The following WWTR1 variants were observed in gnomAD, a reference collection of about 807,000 sequenced individuals.
The protein encoded by WWTR1 is WW domain-containing transcription regulator protein 1.
WWTR1 carries 13 observed loss-of-function variants against 40.1 expected under a neutral mutation model. That is an observed-to-expected ratio of 0.32 (90% CI 0.21 to 0.52). The LOEUF is 0.52. Ranked by LOEUF, WWTR1 falls within the 20% of genes least tolerant of loss-of-function variation. The pLI, the probability that WWTR1 is intolerant of heterozygous loss-of-function variation, is 0.97. For synonymous variants in WWTR1, 230 were observed against 210.1 expected (o/e 1.09, Z -0.82); for missense variants, 436 against 523.1 (o/e 0.83, Z 1.63).
chr3:149,548,501 T>C (rs1736472175), intron 3 of WWTR1, among the ~76,000 whole-genome samples: 1 of 152,148 alleles, frequency 6.6e-6, no homozygotes, highest in Non-Finnish European at 1.5e-5. Context: ...CATACACATA[T>C]ACAATGCCAA....
intron 1 of WWTR1, among the ~76,000 whole-genome samples, chr3:149,683,509 C>A (rs1212287490): frequency 6.6e-6 from 1 of 152,120 alleles, no homozygotes; most frequent in Non-Finnish European, 1.5e-5. Context: ...GCCTGGCCAA[C>A]ATGGTGAAAC....
chr3:149,674,186 C>G (rs1170999247), intron 1 of WWTR1, among the ~76,000 whole-genome samples: 1 of 151,886 alleles, frequency 6.6e-6, no homozygotes, highest in Non-Finnish European at 1.5e-5. Flanking sequence ...TGCCACTGCA[C>G]TTGAGCCTGG....
chr3:149,685,982 CT>C (rs1379711856), intron 1 of WWTR1, among the ~76,000 whole-genome samples: 32 of 152,106 alleles, frequency 2.1e-4, no homozygotes, highest in South Asian at 1.5e-3. Flanking sequence ...GCTTAAAGAT[CT>C]TTTTTTGATC....
intron 4 of WWTR1, among the ~76,000 whole-genome samples, chr3:149,540,862 A>T (rs1159419240): frequency 1.3e-5 from 2 of 152,234 alleles, no homozygotes; most frequent in Non-Finnish European, 2.9e-5. Flanking sequence ...TATATCTGAG[A>T]AATGATTTTA....
chr3:149,650,246 T>C (rs139895844), intron 2 of WWTR1: 29 of 152,322 alleles, frequency 1.9e-4, no homozygotes, highest in African/African-American at 6.7e-4. Context: ...TATGCGATCA[T>C]CAAGGATACA....
chr3:149,684,986 C>A lies in WWTR1; in HGVS notation c.-107-15095G>T, dbSNP rs577451636. On this transcript the variant is annotated intron_variant, in intron 1 of 7. Transcript: ENST00000465804. ...TTGAGCTCCACAAAATTAATATATT[C>A]AAATTTTAATTTATCATTTGCTCCC... is the stretch of plus-strand genomic sequence containing the variant. Among the ~76,000 whole-genome samples, 3 of 152,224 alleles carry A rather than the reference C, an allele frequency of 2.0e-5. No individual in the cohort carries two copies. In the South Asian group the frequency reaches 6.2e-4, roughly 32 times the overall value.
At chr3:149,718,687 A>G (rs929325926) in intron 4 of WWTR1, among the ~76,000 whole-genome samples, 34 of 152,272 alleles carry the variant, frequency 2.2e-4, no homozygotes, top group African/African-American at 8.2e-4. Flanking sequence ...TGTCTCTATG[A>G]TTTTGACTAC....
rs1715451745 is a variant in WWTR1, at chr3:149,710,579, C to CG, written n.584+6862_584+6863insC. Among the ~76,000 whole-genome samples the CG allele has an allele frequency of 3.5e-5, 3 of 86,580 alleles. 1 individual carries two copies. The South Asian group carries it at 2.1e-3, about 60-fold the overall frequency. The allele number at this position is 86,580 out of a possible 152,430, so 56.8% of individuals were successfully genotyped here. A position where few individuals can be genotyped will look rare whatever the true frequency, so the allele number is the denominator to read the frequency against. ...TATCATTATCCCCGCCTCCCCCCCC[C>CG]CCCTTTTTTTTTTTTTTTGAGATTG... On this transcript the variant is annotated intron_variant and non_coding_transcript_variant, in intron 5 of 6. Transcript: ENST00000474080.
chr3:149,717,849 CAT>C (rs1715649176), intron 4 of WWTR1, among the ~76,000 whole-genome samples: 1 of 152,082 alleles, frequency 6.6e-6, no homozygotes, highest in African/African-American at 2.4e-5. Context: ...TTAGTATTCA[CAT>C]GTTTTCTACT....
At chr3:149,666,037 G>A (rs917321182) in intron 2 of WWTR1, among the ~76,000 whole-genome samples, 2 of 152,150 alleles carry the variant, frequency 1.3e-5, no homozygotes, top group Admixed American at 6.5e-5. Flanking sequence ...TTCAAGCTGA[G>A]CTTGGAAGAG....
At chr3:149,640,357 T>G (rs1201833847) in intron 2 of WWTR1, among the ~76,000 whole-genome samples, 3 of 152,232 alleles carry the variant, frequency 2.0e-5, no homozygotes, top group Non-Finnish European at 4.4e-5. Flanking sequence ...GGCTTGCATC[T>G]CTGATGGTTT....
At chr3:149,544,436 C>G (rs1032430370) in intron 3 of WWTR1, among the ~76,000 whole-genome samples, 2 of 152,110 alleles carry the variant, frequency 1.3e-5, no homozygotes, top group African/African-American at 4.8e-5. Flanking sequence ...ATAGCTCCTG[C>G]CTTCATGAGA....
intron 2 of WWTR1, among the ~76,000 whole-genome samples, chr3:149,591,688 A>G (rs913675885): frequency 9.2e-5 from 14 of 152,186 alleles, no homozygotes; most frequent in Non-Finnish European, 2.1e-4. Flanking sequence ...CACAAAAAAC[A>G]TTTTTGCAAT....
upstream of WWTR1, among the ~76,000 whole-genome samples, chr3:149,661,774 C>T (rs1251603466): frequency 1.4e-5 from 2 of 147,900 alleles, no homozygotes; most frequent in East Asian, 4.0e-4. Context: ...ACTCTGTCAC[C>T]TAGGCTGGAG....
chr3:149,676,464 A>G lies in WWTR1; in HGVS notation c.-107-6573T>C, dbSNP rs115865456. Among the ~76,000 whole-genome samples the G allele has an allele frequency of 4.8e-3, 737 of 152,118 alleles. 6 individuals carry two copies. The highest frequency in any genetic ancestry group is 0.016 in the African/African-American group (673 of 41,508). ...TAGATTCTTTGTGTTTTTTTTGCGG[A>G]AAGAAGGAACAAGAAAAAAAATCCT... On this transcript the variant is annotated intron_variant, in intron 1 of 7. Coordinates refer to the WWTR1 transcript ENST00000465804.
chr3:149,597,372 G>C (rs1309264262), intron 2 of WWTR1, among the ~76,000 whole-genome samples: 1 of 143,064 alleles, frequency 7.0e-6, no homozygotes, highest in Non-Finnish European at 1.5e-5. Flanking sequence ...CAAGATGGGT[G>C]ATAGATTGAG....
chr3:149,527,597 T>C lies in WWTR1; in HGVS notation c.905+239A>G, dbSNP rs1407624385. ...ATATAAGTTCATGCCCATTTTCAAA[T>C]TCTTGACTAGGGGTTTACTCTACGT... On this transcript the variant is annotated intron_variant, in intron 5 of 6. Coordinates refer to ENST00000360632, the MANE Select transcript of WWTR1 (RefSeq NM_015472.6). Among the ~76,000 whole-genome samples, 4 of 152,332 alleles carry C rather than the reference T, an allele frequency of 2.6e-5. No homozygotes were observed. The South Asian group carries it at 6.2e-4, about 24-fold the overall frequency.
intron 2 of WWTR1, among the ~76,000 whole-genome samples, chr3:149,592,277 A>G (rs564433078): frequency 6.6e-6 from 1 of 152,276 alleles, no homozygotes; most frequent in African/African-American, 2.4e-5. Context: ...AACTTTTTTC[A>G]CTTAATTATT....
At chr3:149,540,256 G>A (rs934301591) in intron 4 of WWTR1, 1 of 456,508 alleles carries the variant, frequency 2.2e-6, no homozygotes, top group East Asian at 6.9e-5. Flanking sequence ...AGCCTCCAAG[G>A]ATCAGCATTT....
Sources: allele counts gnomAD v4.1 joint callset (sites outside exome capture counted in the v4.1 genomes callset), GRCh38; gene constraint gnomAD v4.1.1; transcripts MANE v1.5; gene names NCBI Gene and HGNC (gene_info 2026-07-23, HGNC 2026-07-21).